Variants in CHRND observed in about 807,000 individuals in gnomAD.
The protein encoded by CHRND is acetylcholine receptor subunit delta.
In CHRND, 40 loss-of-function variants were observed where a neutral mutation model predicts 57.8. The observed-to-expected ratio is 0.69, with a 90% CI of 0.54 to 0.90. The LOEUF (loss-of-function observed/expected upper bound fraction) is 0.90. Among genes scored for constraint, CHRND ranks in the 40% least tolerant of loss-of-function variants. The pLI is 0.00. For missense variants in CHRND, 634 were observed against 673.9 expected, an observed-to-expected ratio of 0.94 and a Z score of 0.66; for synonymous variants, 237 against 270.6, an observed-to-expected ratio of 0.88 and a Z score of 1.22.
At position 232,526,188 on chromosome 2, in the gene CHRND, A is replaced by C; in HGVS notation, c.-28A>C. On this transcript the variant is annotated 5_prime_UTR_variant, in exon 1 of 12. Coordinates refer to ENST00000258385, the MANE Select transcript of CHRND (RefSeq NM_000751.3). ...CCACAGCCCTGTAGACAGGAGGGGCAGATGCACGTCCCAGTCAGAGGGATG... is the reference window on the plus strand; with the variant it reads ...CCACAGCCCTGTAGACAGGAGGGGCCGATGCACGTCCCAGTCAGAGGGATG... 1.3e-6 allele frequency: 2 copies of C among 1,493,942 alleles called. No homozygotes were observed. The highest frequency in any genetic ancestry group is 1.8e-6 in the Non-Finnish European group (2 of 1,092,602). The allele number at this position is 1,493,942 out of a possible 1,614,324, so 92.5% of individuals were successfully genotyped here. A position where few individuals can be genotyped will look rare whatever the true frequency, so the allele number is the denominator to read the frequency against.
At position 232,528,907 on chromosome 2, in the gene CHRND, G is replaced by A. The variant is rs1487566611; in HGVS notation, c.555G>A (p.Gln185=). Reference sequence around the variant, plus strand: ...AAGAGATCACCCTGAGCCTGAAACAGGATGCCAAGGAGAACCGCACCTACC... The same window carrying A: ...AAGAGATCACCCTGAGCCTGAAACAAGATGCCAAGGAGAACCGCACCTACC... ...TAKEITLSLK[Q]DAKENRTYPV... Residue 185 remains glutamine (Q), a synonymous_variant, in exon 6 of 12, where the codon CAG becomes CAA. Coordinates refer to ENST00000258385, the MANE Select transcript of CHRND (RefSeq NM_000751.3). 6.2e-7 allele frequency: 1 copy of A among 1,614,116 alleles called. No homozygotes were observed. Among genetic ancestry groups the A allele is most frequent in the East Asian group, 2.2e-5 (1 of 44,868 alleles).
chr2:232,533,871 G>A (rs957380141), intron 9 of CHRND, 60 bp from the exon 10 acceptor site: 64 of 1,558,390 alleles, frequency 4.1e-5, no homozygotes, highest in Admixed American at 1.0e-4. Context: ...ATGAGACTCC[G>A]TCTCAAAAAC....
At chr2:232,526,463 G>A in intron 1 of CHRND, 66 bp from the exon 2 acceptor site, 1 of 1,610,356 alleles carries the variant, frequency 6.2e-7, no homozygotes, top group Non-Finnish European at 8.5e-7. Context: ...CAGGACCTCA[G>A]GGCAGCTTCC....
At chr2:232,531,192 G>C (rs914791425) in intron 7 of CHRND, among the ~76,000 whole-genome samples, 160 bp from the exon 8 acceptor site, 2 of 152,164 alleles carry the variant, frequency 1.3e-5, no homozygotes, top group Non-Finnish European at 2.9e-5. Flanking sequence ...TTTGCACCCA[G>C]GCACTCTAGC....
rs769779704 is a variant in CHRND, at chr2:232,526,672, C to T, written c.196C>T (p.Leu66=). The change falls in exon 2 of 12, where the codon CTG becomes TTG. Residue 66 remains leucine, a splice_region_variant and synonymous_variant. Transcript: ENST00000258385. ...LALTLSNLIS[L]KEVEETLTTN... ...CCTCACACTCTCCAACCTCATCTCC[C>T]TGGTGAGAGGCCCTCCGGTGCTGGG... 3.7e-6 allele frequency: 6 copies of T among 1,613,232 alleles called. No individual in the cohort carries two copies. The highest frequency in any genetic ancestry group is 3.3e-5 in the South Asian group (3 of 91,082).
rs778769803 is a variant in CHRND, at chr2:232,533,967, T to A, written c.1084T>A (p.Ser362Thr). ...GACCCTGCCGGAGCTCCTGCACATG[T>A]CCCGCCCAGCAGAGGATGGACCCAG... ...LETLPELLHM[S>T]RPAEDGPSPG... Residue 362 changes from serine to threonine, a missense_variant, in exon 10 of 12, where the codon TCC (serine) becomes ACC (threonine). Transcript: ENST00000258385. The A allele has an allele frequency of 1.2e-6, 2 of 1,613,510 alleles. No individual in the cohort carries two copies. Among genetic ancestry groups the A allele is most frequent in the Non-Finnish European group, 1.7e-6 (2 of 1,179,988 alleles).
At chr2:232,534,437 C>T in intron 11 of CHRND, 95 bp downstream of exon 11, 1 of 1,225,600 alleles carries the variant, frequency 8.2e-7, no homozygotes. Context: ...CTTAGAGGCA[C>T]ACACCAACTT....
intron 1 of CHRND, 43 bp from the exon 2 acceptor site, chr2:232,526,486 C>A (rs1211642969): frequency 6.2e-7 from 1 of 1,612,856 alleles, no homozygotes; most frequent in African/African-American, 1.3e-5. Flanking sequence ...CCTGAGTCCC[C>A]TGCCCAGGGC....
At chr2:232,528,200 G>T (rs189441929) in intron 3 of CHRND, 62 bp from the exon 4 acceptor site, 15 of 1,481,564 alleles carry the variant, frequency 1.0e-5, no homozygotes, top group African/African-American at 2.8e-5. Flanking sequence ...TCAGGGAAGT[G>T]GGGGGAGCCA....
At chr2:232,531,946 CAAAAAAAAAAAAA>C (rs778006115) in intron 9 of CHRND, among the ~76,000 whole-genome samples, 1 of 46,042 alleles carries the variant, frequency 2.2e-5, no homozygotes, top group Non-Finnish European at 3.4e-5. Flanking sequence ...GACCTTGTCT[CAAAAAAAAAAAAA>C]AAAAAAAAAA....
At chr2:232,530,624 C>T (rs1180568827) in intron 7 of CHRND, among the ~76,000 whole-genome samples, 1 of 152,132 alleles carries the variant, frequency 6.6e-6, no homozygotes, top group Non-Finnish European at 1.5e-5. Context: ...GTCCCAGGGT[C>T]AAAGGCCACC....
intron 9 of CHRND, among the ~76,000 whole-genome samples, chr2:232,533,446 G>A (rs1462087831): frequency 1.3e-5 from 2 of 152,252 alleles, no homozygotes; most frequent in East Asian, 3.8e-4. Context: ...CATGGGTGAT[G>A]TGGGAGAGCT....
In CHRND at chr2:232,528,912, C is replaced by T. The variant is rs1427684667; in HGVS notation, c.560C>T (p.Ala187Val). ...ATCACCCTGAGCCTGAAACAGGATG[C>T]CAAGGAGAACCGCACCTACCCCGTG... is the stretch of plus-strand genomic sequence containing the variant. The part of the protein sequence containing the change: ...KEITLSLKQD[A>V]KENRTYPVEW... The change falls in exon 6 of 12, where the codon GCC becomes GTC. Residue 187 changes from alanine to valine, a missense_variant. Ala to Val is a moderately conservative substitution (Grantham distance 64). Coordinates refer to ENST00000258385, the MANE Select transcript of CHRND (RefSeq NM_000751.3). 1 of 1,613,940 alleles carries T rather than the reference C, an allele frequency of 6.2e-7. No individual in the cohort carries two copies. Among genetic ancestry groups the T allele is most frequent in the Non-Finnish European group, 8.5e-7 (1 of 1,180,026 alleles).
intron 2 of CHRND, among the ~76,000 whole-genome samples, 169 bp downstream of exon 2, chr2:232,526,843 A>C (rs1179820392): frequency 6.6e-6 from 1 of 152,142 alleles, no homozygotes; most frequent in African/African-American, 2.4e-5. Context: ...CTGCCCCTCC[A>C]GTGTCAGCTC....
rs1269090672 is a variant in CHRND at position 232,536,333 on chromosome 2, T to C, written c.*1021T>C. ...TGGTACCTCACTTCCCAGATTTGGT[T>C]AGGAAAGACACTATGGCCTCTTTCT... On this transcript the variant is annotated 3_prime_UTR_variant, in exon 12 of 12. Coordinates refer to ENST00000258385, the MANE Select transcript of CHRND (RefSeq NM_000751.3). The C allele has an allele frequency of 6.6e-6, 3 of 454,032 alleles. No homozygotes were observed. Among genetic ancestry groups the C allele is most frequent in the East Asian group, 6.9e-5 (1 of 14,412 alleles). 28.1% of individuals were successfully genotyped at this position (454,032 alleles called of 1,614,324 possible).
chr2:232,532,144 G>A (rs1022127048), intron 9 of CHRND, among the ~76,000 whole-genome samples: 3 of 151,140 alleles, frequency 2.0e-5, no homozygotes, highest in Admixed American at 6.6e-5. Flanking sequence ...GCAACAGATC[G>A]AGACCCCATC....
rs1457897374 is a variant in CHRND, at chr2:232,536,056, C to T, written c.*744C>T. ...GGCATACATATTCTAAAAAATCATTCGTTGTTTCTCTGAAATTTGTCCCCT... is the reference window on the plus strand; with the variant it reads ...GGCATACATATTCTAAAAAATCATTTGTTGTTTCTCTGAAATTTGTCCCCT... On this transcript the variant is annotated 3_prime_UTR_variant, in exon 12 of 12. Transcript: ENST00000258385. 27 of 454,128 alleles carry T rather than the reference C, an allele frequency of 5.9e-5. No homozygotes were observed. Among genetic ancestry groups the T allele is most frequent in the Non-Finnish European group, 7.9e-5 (18 of 226,802 alleles). The allele number at this position is 454,128 out of a possible 1,614,324, so 28.1% of individuals were successfully genotyped here. A position where few individuals can be genotyped will look rare whatever the true frequency, so the allele number is the denominator to read the frequency against.
intron 1 of CHRND, 57 bp downstream of exon 1, chr2:232,526,324 A>C: frequency 6.3e-7 from 1 of 1,576,532 alleles, no homozygotes; most frequent in Non-Finnish European, 8.7e-7. Flanking sequence ...CCCAGGCCCC[A>C]CACCGCATGG....
intron 6 of CHRND, 77 bp from the exon 7 acceptor site, chr2:232,529,862 C>T: frequency 2.0e-6 from 3 of 1,515,536 alleles, no homozygotes; most frequent in East Asian, 2.3e-5. Context: ...CCCTGCCCAG[C>T]CCCTCATTCT....
Sources: allele counts gnomAD v4.1 joint callset (sites outside exome capture counted in the v4.1 genomes callset), GRCh38; gene constraint gnomAD v4.1.1; transcripts MANE v1.5; gene names NCBI Gene and HGNC (gene_info 2026-07-23, HGNC 2026-07-21).